Variants in NBEAL1 observed in about 807,000 individuals in gnomAD.
NBEAL1 encodes neurobeachin-like protein 1.
A neutral mutation model predicts 351.3 loss-of-function variants in NBEAL1; 273 were observed. The ratio of observed to expected loss-of-function variants is 0.78; its 90% CI spans 0.70 to 0.86. NBEAL1 has a LOEUF of 0.86. Ranked by LOEUF, NBEAL1 falls within the 40% of genes least tolerant of loss-of-function variation. The pLI is 0.00. For missense variants in NBEAL1, 2,961 were observed against 3,201.3 expected (o/e 0.92, Z 1.81); for synonymous variants, 1,050 against 1,086.4 (o/e 0.97, Z 0.66).
rs547273072 is a variant in NBEAL1 at position 203,076,129 on chromosome 2, G to A, written c.599-1623G>A. On this transcript the variant is annotated intron_variant, in intron 7 of 55. Coordinates refer to ENST00000683969, the MANE Select transcript of NBEAL1 (RefSeq NM_001378026.1). ...GGATAAGTGAAGTTAACACATTGTA[G>A]TGGTGTATGCCCTCTAGTCATTACA... is the stretch of plus-strand genomic sequence containing the variant. Among the ~76,000 whole-genome samples the A allele has an allele frequency of 2.0e-5, 3 of 152,248 alleles. No homozygotes were observed. In the East Asian group the frequency reaches 5.8e-4, roughly 29 times the overall value.
Position 203,201,597 on chromosome 2 carries a change from G to A in NBEAL1, c.7293G>A (p.Lys2431=). ...CTCCCGGGCTAGAGATCACTTCTAA[G>A]CTATTTGTAGTATCACATGATGCAA... is the stretch of plus-strand genomic sequence containing the variant. ...SFAPGLEITS[K]LFVVSHDAKL... The change falls in exon 50 of 56, where the codon AAG becomes AAA. Residue 2431 remains lysine (K), a synonymous_variant. Transcript: ENST00000683969. 1 of 1,611,912 alleles carries A rather than the reference G, an allele frequency of 6.2e-7. No individual in the cohort carries two copies. The highest frequency in any genetic ancestry group is 8.5e-7 in the Non-Finnish European group (1 of 1,178,822).
At position 203,137,954 on chromosome 2, in the gene NBEAL1, G is replaced by A. The variant is rs187692492; in HGVS notation, c.4566-208G>A. On this transcript the variant is annotated intron_variant, in intron 29 of 55. Transcript: ENST00000683969. ...AGCCGAGATCACACCATTGCACTCC[G>A]GCCTGGGCGACAAGAGCGATCTCTG... is the stretch of plus-strand genomic sequence containing the variant. 3.6e-3 allele frequency among the ~76,000 whole-genome samples: 550 copies of A among 151,634 alleles called. 1 individual carries two copies. The highest frequency in any genetic ancestry group is 0.013 in the African/African-American group (527 of 41,322).
chr2:203,182,679 T>A (rs879492956), intron 43 of NBEAL1: 2 of 152,226 alleles, frequency 1.3e-5, no homozygotes, highest in African/African-American at 4.8e-5. Flanking sequence ...TAAGGCAGCA[T>A]ACTGGTATTT....
intron 36 of NBEAL1, among the ~76,000 whole-genome samples, chr2:203,164,779 G>A (rs2064080742): frequency 6.6e-6 from 1 of 151,798 alleles, no homozygotes; most frequent in Non-Finnish European, 1.5e-5. Context: ...AGGCAGATAT[G>A]AAATGTCTAG....
chr2:203,193,801 C>CA lies in NBEAL1; in HGVS notation c.6929dup (p.His2310GlnfsTer30), dbSNP rs1413796101. ...CCTTAAAATTATTTTGAAGGAACCA[C>CA]ACCCTCCAAGATTATCAGCAGAAGA... On this transcript the variant is annotated frameshift_variant, in exon 47 of 56. Transcript: ENST00000683969. LOFTEE classifies it high-confidence loss of function. 2 of 1,608,078 alleles carry CA rather than the reference C, an allele frequency of 1.2e-6. No individual in the cohort carries two copies. The highest frequency in any genetic ancestry group is 1.7e-6 in the Non-Finnish European group (2 of 1,176,470).
intron 39 of NBEAL1, among the ~76,000 whole-genome samples, chr2:203,170,270 G>A (rs565557696): frequency 9.2e-5 from 14 of 152,250 alleles, no homozygotes; most frequent in Non-Finnish European, 1.8e-4. Context: ...TACTCGGGAG[G>A]CTGAGGTGGG....
chr2:203,065,853 T>C (rs930306769), intron 6 of NBEAL1, among the ~76,000 whole-genome samples: 1 of 152,174 alleles, frequency 6.6e-6, no homozygotes, highest in African/African-American at 2.4e-5. Context: ...CTGGTTGATA[T>C]GTATTAGCAT....
chr2:203,172,073 A>G, intron 40 of NBEAL1, 50 bp downstream of exon 40: 1 of 1,082,738 alleles, frequency 9.2e-7, no homozygotes, highest in South Asian at 1.6e-5. Context: ...ACAGTTTTAT[A>G]AATCACATAA....
intron 31 of NBEAL1, 96 bp from the exon 32 acceptor site, chr2:203,144,504 G>T: frequency 8.5e-7 from 1 of 1,175,648 alleles, no homozygotes; most frequent in African/African-American, 1.5e-5. Flanking sequence ...TGACAGTTAT[G>T]TAAAAATTCT....
Position 203,221,826 on chromosome 2 carries a change from G to T in NBEAL1, c.*4472G>T, listed in dbSNP as rs1010590970. On this transcript the variant is annotated 3_prime_UTR_variant, in exon 56 of 56. Coordinates refer to ENST00000683969, the MANE Select transcript of NBEAL1 (RefSeq NM_001378026.1). ...GTGGTATTTTTCTTGATGACCTTAG[G>T]CAACAATATAGTGTTATCAGTCATC... 5.3e-5 allele frequency among the ~76,000 whole-genome samples: 8 copies of T among 152,080 alleles called. No homozygotes were observed. Among genetic ancestry groups the T allele is most frequent in the Non-Finnish European group, 7.4e-5 (5 of 68,012 alleles).
At chr2:203,021,331 TGCCTGTAATCCCAACACTTTGGGAG>T (rs1183443899) in intron 2 of NBEAL1, among the ~76,000 whole-genome samples, 1 of 149,872 alleles carries the variant, frequency 6.7e-6, no homozygotes, top group Non-Finnish European at 1.5e-5. Context: ...TGGTGGCTCA[TGCCTGTAATCCCAACACTTTGGGAG>T]GCTGAGGCAG....
At chr2:203,162,485 A>C (rs1477804578) in intron 36 of NBEAL1, among the ~76,000 whole-genome samples, 1 of 152,108 alleles carries the variant, frequency 6.6e-6, no homozygotes, top group Non-Finnish European at 1.5e-5. Flanking sequence ...GGTGGCCCTC[A>C]ATTTGTCAGC....
At chr2:203,135,066 C>T (rs548694293) in intron 27 of NBEAL1, among the ~76,000 whole-genome samples, 31 of 151,798 alleles carry the variant, frequency 2.0e-4, no homozygotes, top group African/African-American at 6.8e-4. Flanking sequence ...GTCCCAGCTA[C>T]TCGGGAGGCT....
chr2:203,021,150 A>G (rs1450015783), intron 2 of NBEAL1, among the ~76,000 whole-genome samples: 2 of 150,818 alleles, frequency 1.3e-5, no homozygotes, highest in African/African-American at 4.9e-5. Context: ...CTGGTCTTGA[A>G]CTCCTGTTTT....
intron 6 of NBEAL1, among the ~76,000 whole-genome samples, chr2:203,067,114 G>A (rs962137750): frequency 4.6e-5 from 7 of 152,262 alleles, no homozygotes; most frequent in East Asian, 1.9e-4. Flanking sequence ...CTTCCCAGGC[G>A]GGGCGGCCAA....
At chr2:203,083,112 T>G in intron 8 of NBEAL1, 107 bp from the exon 9 acceptor site, 1 of 972,428 alleles carries the variant, frequency 1.0e-6, no homozygotes, top group Non-Finnish European at 1.5e-6. Context: ...TTTTTATGTC[T>G]TTATTAAAAG....
chr2:203,050,463 A>C (rs957314394), intron 4 of NBEAL1, among the ~76,000 whole-genome samples: 3 of 152,190 alleles, frequency 2.0e-5, no homozygotes, highest in African/African-American at 7.2e-5. Context: ...AAAAAATTAT[A>C]TTAAAGTCAA....
intron 24 of NBEAL1, 134 bp from the exon 25 acceptor site, chr2:203,130,184 A>G (rs1289795355): frequency 1.2e-6 from 1 of 865,758 alleles, no homozygotes; most frequent in African/African-American, 1.8e-5. Flanking sequence ...TTAAAAAGAC[A>G]TCATATCAGA....
At chr2:203,171,673 C>CA (rs1432680651) in intron 39 of NBEAL1, among the ~76,000 whole-genome samples, 2 of 41,196 alleles carry the variant, frequency 4.9e-5, no homozygotes, top group Non-Finnish European at 1.7e-4. Flanking sequence ...GAAGAAAAGA[C>CA]AAGGTTTTTT....
Sources: allele counts gnomAD v4.1 joint callset (sites outside exome capture counted in the v4.1 genomes callset), GRCh38; gene constraint gnomAD v4.1.1; transcripts MANE v1.5; gene names NCBI Gene and HGNC (gene_info 2026-07-23, HGNC 2026-07-21).